The following NEB variants were observed in gnomAD, a reference collection of about 807,000 sequenced individuals.
NEB encodes nemaline myopathy type 2.
In NEB, 512 loss-of-function variants were observed where a neutral mutation model predicts 952.2. The observed-to-expected ratio is 0.54, with a 90% CI of 0.50 to 0.58. The LOEUF (loss-of-function observed/expected upper bound fraction) is 0.58. Among genes scored for constraint, NEB ranks in the 20% least tolerant of loss-of-function variants. The probability of loss-of-function intolerance (pLI) is 0.00; values close to 1 mark genes in which losing one functional copy is unlikely to be tolerated. For missense variants in NEB, 8,428 were observed against 9,231.1 expected (o/e 0.91, Z 3.56); for synonymous variants, 2,900 against 3,149.8 (o/e 0.92, Z 2.66).
chr2:151,490,617 A>G, intron 179 of NEB, 99 bp from the exon 180 acceptor site: 1 of 1,438,302 alleles, frequency 7.0e-7, no homozygotes, highest in Non-Finnish European at 9.5e-7. Context: ...ATCTTTGCCA[A>G]GCATGGTTTT....
intron 13 of NEB, among the ~76,000 whole-genome samples, chr2:151,706,337 A>G (rs1559475378): frequency 6.7e-6 from 1 of 149,998 alleles, no homozygotes; most frequent in Non-Finnish European, 1.5e-5. Flanking sequence ...CACATATTCA[A>G]TCTCTCTCTC....
chr2:151,493,107 T>G (rs2057847737), intron 176 of NEB: 1 of 422,192 alleles, frequency 2.4e-6, no homozygotes, highest in Non-Finnish European at 4.2e-6. Flanking sequence ...CATTGGCAAT[T>G]AACTTGTTAT....
At chr2:151,513,248 C>T (rs1171054726) in intron 160 of NEB, among the ~76,000 whole-genome samples, 2 of 152,182 alleles carry the variant, frequency 1.3e-5, no homozygotes, top group Non-Finnish European at 2.9e-5. Flanking sequence ...ATATTCTAAG[C>T]AAGGAATTCC....
rs772449564 is a variant in NEB, at chr2:151,663,790, G to A, written c.5521C>T (p.Pro1841Ser). 4 of 1,613,748 alleles carry A rather than the reference G, an allele frequency of 2.5e-6. No homozygotes were observed. The highest frequency in any genetic ancestry group is 3.4e-6 in the Non-Finnish European group (4 of 1,179,760). Residue 1841 changes from proline (P) to serine (S), a missense_variant, in exon 45 of 182, where the codon CCC becomes TCC. By Grantham distance (74) the Pro-to-Ser change is moderately conservative (BLOSUM62 -1). Around this residue, in one of 11 missense-constraint regions of NEB, gnomAD observed 2,851 missense variants for 2,791.5 expected, o/e 1.02. Coordinates refer to ENST00000397345, the MANE Select transcript of NEB (RefSeq NM_001164508.2). ...HIGFRSLEDD[P>S]KLVHFMQVAK... ...ACTTGCATGAAGTGCACCAGCTTGGGGTCATCTTCCAGGCTCCGGAAGCCA... is the reference window on the plus strand; with the variant it reads ...ACTTGCATGAAGTGCACCAGCTTGGAGTCATCTTCCAGGCTCCGGAAGCCA...
chr2:151,581,495 C>T lies in NEB; in HGVS notation c.16272G>A (p.Leu5424=). 1.0e-6 allele frequency: 1 copy of T among 952,838 alleles called. No individual in the cohort carries two copies. The allele number at this position is 952,838 out of a possible 1,614,324, so 59.0% of individuals were successfully genotyped here. A position where few individuals can be genotyped will look rare whatever the true frequency, so the allele number is the denominator to read the frequency against. ...TGTGCTGTCTTACATTGCTGATCTG[C>T]AGGGCATTGATTTTGGATTGCAGCA... ...PLMLQSKINA[L]QISNKRYQQA... The change falls in exon 103 of 182, where the codon CTG becomes CTA. Residue 5424 remains leucine (L), a synonymous_variant. Transcript: ENST00000397345.
chr2:151,559,477 A>C (rs1020390945), intron 124 of NEB, among the ~76,000 whole-genome samples: 6 of 152,198 alleles, frequency 3.9e-5, no homozygotes, highest in Non-Finnish European at 8.8e-5. Context: ...TTCTACTATA[A>C]AGACACATGC....
At chr2:151,549,059 G>T (rs2095059208) in intron 130 of NEB, among the ~76,000 whole-genome samples, 1 of 152,174 alleles carries the variant, frequency 6.6e-6, no homozygotes, top group Non-Finnish European at 1.5e-5. Context: ...CTTGTGAAAA[G>T]TGGAGAAGGG....
chr2:151,492,428 C>G lies in NEB; in HGVS notation c.24832G>C (p.Glu8278Gln), dbSNP rs752529011. The G allele has an allele frequency of 1.1e-5, 17 of 1,612,050 alleles. No individual in the cohort carries two copies. The highest frequency in any genetic ancestry group is 1.4e-5 in the Non-Finnish European group (16 of 1,179,032). ...GKAAYVLDTP[E>Q]MRRVRETQRH... ...TGGGTCTCCCTCACCCGTCTCATCT[C>G]GGGGGTATCCAATACATAGGCAGCT... The change falls in exon 177 of 182, where the codon GAG becomes CAG. Residue 8278 changes from glutamate to glutamine, a missense_variant. Coordinates refer to ENST00000397345, the MANE Select transcript of NEB (RefSeq NM_001164508.2).
At chr2:151,708,010 A>T (rs2099722643) in intron 12 of NEB, among the ~76,000 whole-genome samples, 1 of 152,190 alleles carries the variant, frequency 6.6e-6, no homozygotes, top group South Asian at 2.1e-4. Context: ...CCCTACCCGC[A>T]TCTGGGATAC....
chr2:151,625,338 C>T (rs1467074460), intron 71 of NEB, among the ~76,000 whole-genome samples, 196 bp downstream of exon 71: 3 of 152,066 alleles, frequency 2.0e-5, no homozygotes, highest in African/African-American at 7.2e-5. Context: ...GTCTGTCTAT[C>T]TGTCTGTCTA....
chr2:151,522,554 A>G (rs1420850326), intron 153 of NEB, among the ~76,000 whole-genome samples: 1 of 152,216 alleles, frequency 6.6e-6, no homozygotes, highest in Non-Finnish European at 1.5e-5. Context: ...AGTTTCATGC[A>G]GGAAAAGAAG....
rs546316138 is a variant in NEB, at chr2:151,723,259, T to TG, written c.717+122_717+123insC. On this transcript the variant is annotated intron_variant, in intron 9 of 181. Transcript: ENST00000397345. ...TAAATTATAACAATTCTAGACATAC[T>TG]CCTCTGAAATACAACATTTAGTCTC... is the stretch of plus-strand genomic sequence containing the variant. 1,171 of 540,236 alleles carry TG rather than the reference T, an allele frequency of 2.2e-3. 8 individuals carry two copies. Among genetic ancestry groups the TG allele is most frequent in the Middle Eastern group, 0.01 (36 of 3,554 alleles). The allele number at this position is 540,236 out of a possible 1,614,324, so 33.5% of individuals were successfully genotyped here. A position where few individuals can be genotyped will look rare whatever the true frequency, so the allele number is the denominator to read the frequency against.
At chr2:151,554,614 T>C (rs1300885042) in intron 125 of NEB, among the ~76,000 whole-genome samples, 1 of 152,218 alleles carries the variant, frequency 6.6e-6, no homozygotes, top group Non-Finnish European at 1.5e-5. Context: ...TTTACTTGAC[T>C]TAAATTTGAA....
At chr2:151,726,831 T>C (rs1238993931) in intron 5 of NEB, among the ~76,000 whole-genome samples, 1 of 152,030 alleles carries the variant, frequency 6.6e-6, no homozygotes, top group Non-Finnish European at 1.5e-5. Flanking sequence ...TTTACGACCA[T>C]CCTGGGCAAC....
intron 20 of NEB, among the ~76,000 whole-genome samples, chr2:151,693,238 T>C (rs1460641491): frequency 6.6e-6 from 1 of 152,200 alleles, no homozygotes; most frequent in Non-Finnish European, 1.5e-5. Flanking sequence ...AAGAGTTTTA[T>C]CTTATTTTTT....
rs780994507 is a variant in NEB at position 151,666,206 on chromosome 2, T to C, written c.4915A>G (p.Lys1639Glu). 3.1e-6 allele frequency: 5 copies of C among 1,613,956 alleles called. No individual in the cohort carries two copies. The highest frequency in any genetic ancestry group is 3.4e-6 in the Non-Finnish European group (4 of 1,179,870). ...LDMVSVTAAKKSQEVATNANY... is the reference protein window; with the variant it reads ...LDMVSVTAAKESQEVATNANY... The stretch of plus-strand genomic sequence containing the variant: ...GCGTTGGTGGCAACCTCCTGAGATT[T>C]CTTTGCAGCTGTCACACTGACCATA... The change falls in exon 41 of 182, where the codon AAA becomes GAA. Residue 1639 changes from lysine to glutamate, a missense_variant. Lys to Glu is a moderately conservative substitution (Grantham distance 56). Around this residue, in one of 11 missense-constraint regions of NEB, gnomAD observed 2,851 missense variants for 2,791.5 expected, o/e 1.02. Transcript: ENST00000397345.
At chr2:151,728,065 G>A (rs572151183) in intron 4 of NEB, among the ~76,000 whole-genome samples, 159 bp from the exon 5 acceptor site, 15 of 152,312 alleles carry the variant, frequency 9.8e-5, no homozygotes, top group African/African-American at 3.4e-4. Context: ...CACTGTAGCC[G>A]TATGAAGGCA....
Position 151,644,144 on chromosome 2 carries a change from T to C in NEB, c.7645-15A>G, listed in dbSNP as rs750640967. 1.2e-6 allele frequency: 2 copies of C among 1,609,456 alleles called. No individual in the cohort carries two copies. Among genetic ancestry groups the C allele is most frequent in the African/African-American group, 1.3e-5 (1 of 74,754 alleles). ...TTGTACTTGTACTAGAGAAAAAAAATGTGTCTCATTCCTTTCAAAATTTAC... is the reference window on the plus strand; with the variant it reads ...TTGTACTTGTACTAGAGAAAAAAAACGTGTCTCATTCCTTTCAAAATTTAC... On this transcript the variant is annotated splice_polypyrimidine_tract_variant and intron_variant, in intron 56 of 181. Transcript: ENST00000397345.
In NEB at chr2:151,655,872, A is replaced by C; in HGVS notation, c.6647T>G (p.Leu2216Arg). The C allele has an allele frequency of 6.2e-7, 1 of 1,613,810 alleles. No individual in the cohort carries two copies. ...QHPSNFQFKK[L>R]TDSMDMVLAK... ...AAGCACCATGTCCATGGAATCAGTC[A>C]GCTTCTTAAACTGGAAGTTGCTCGG... The change falls in exon 50 of 182, where the codon CTG becomes CGG. Residue 2216 changes from leucine to arginine, a missense_variant. Transcript: ENST00000397345.
Sources: gnomAD v4.1 joint callset for allele counts (sites outside exome capture counted in the v4.1 genomes callset) on GRCh38, gnomAD v4.1.1 for gene constraint, gnomAD v4.1.1 regional missense constraint, MANE v1.5 for transcripts, NCBI Gene and HGNC (gene_info 2026-07-23, HGNC 2026-07-21) for gene names.